Variants in MUC5AC observed in about 807,000 individuals in gnomAD.
MUC5AC encodes mucin-5AC.
In MUC5AC, 158 loss-of-function variants were observed where a neutral mutation model predicts 169.7. The ratio of observed to expected loss-of-function variants is 0.93; its 90% CI spans 0.82 to 1.06. MUC5AC has a LOEUF of 1.06. Among genes scored for constraint, MUC5AC ranks in the 50% least tolerant of loss-of-function variants. The pLI, the probability that MUC5AC is intolerant of heterozygous loss-of-function variation, is 0.00. For synonymous variants in MUC5AC, 1,975 were observed against 1,237.0 expected (o/e 1.60, Z -12.52); for missense variants, 4,359 against 3,089.9 (o/e 1.41, Z -9.74).
chr11:1,173,362 C>T (rs1860597142), intron 16 of MUC5AC, among the ~76,000 whole-genome samples: 1 of 151,566 alleles, frequency 6.6e-6, no homozygotes, highest in African/African-American at 2.4e-5. Context: ...CTCACTCATT[C>T]CTTCATTCAT....
At chr11:1,171,515 A>C (rs1381149206) in intron 15 of MUC5AC, among the ~76,000 whole-genome samples, 2 of 128,354 alleles carry the variant, frequency 1.6e-5, no homozygotes, top group Non-Finnish European at 3.3e-5. Flanking sequence ...CCATTCACCC[A>C]CTCACTCACC....
Position 1,194,595 on chromosome 11 carries a change from G to A in MUC5AC, c.15115G>A (p.Val5039Ile). The change falls in exon 35 of 49, where the codon GTC becomes ATC. Residue 5039 changes from valine to isoleucine, a missense_variant. By Grantham distance (29) the Val-to-Ile change is conservative. Transcript: ENST00000621226. ...GACCATCCCGGAGCTGGGAGTCCAG[G>A]TCATGTTCTCCGGCCTCATCTTCTC... ...YATIPELGVQ[V>I]MFSGLIFSVE... is the part of the protein sequence containing the mutation. 1.3e-6 allele frequency: 1 copy of A among 764,694 alleles called. No individual in the cohort carries two copies. Among genetic ancestry groups the A allele is most frequent in the Non-Finnish European group, 2.4e-6 (1 of 417,686 alleles). The allele number at this position is 764,694 out of a possible 1,614,324, so 47.4% of individuals were successfully genotyped here. A position where few individuals can be genotyped will look rare whatever the true frequency, so the allele number is the denominator to read the frequency against.
chr11:1,200,478 T>C lies in MUC5AC; in HGVS notation c.16741T>C (p.Cys5581Arg), dbSNP rs1861398116. The C allele has an allele frequency of 1.4e-6, 1 of 731,206 alleles. No individual in the cohort carries two copies. Among genetic ancestry groups the C allele is most frequent in the African/African-American group, 1.7e-5 (1 of 58,278 alleles). 45.3% of individuals were successfully genotyped at this position (731,206 alleles called of 1,614,324 possible). A position where few individuals can be genotyped will look rare whatever the true frequency, so the allele number is the denominator to read the frequency against. The change falls in exon 49 of 49, where the codon TGC (cysteine) becomes CGC (arginine). Residue 5581 changes from cysteine (C) to arginine (R), a missense_variant. Cys to Arg is a radical substitution (Grantham distance 180, BLOSUM62 -3). Transcript: ENST00000621226. ...EGNTVEHRCQ[C>R]CQELRTSLRN... ...CAACACGGTGGAGCACAGGTGCCAGTGCTGCCAGGAGCTGCGGACCTCGCT... is the reference window on the plus strand; with the variant it reads ...CAACACGGTGGAGCACAGGTGCCAGCGCTGCCAGGAGCTGCGGACCTCGCT...
chr11:1,167,925 G>A lies in MUC5AC; in HGVS notation c.1435G>A (p.Gly479Arg), dbSNP rs769969756. 15 of 1,550,590 alleles carry A rather than the reference G, an allele frequency of 9.7e-6. No individual in the cohort carries two copies. The highest frequency in any genetic ancestry group is 1.4e-5 in the African/African-American group (1 of 73,060). ...FTVLAELRRC[G>R]LTDSETCLKS... ...TGTACTGGCTGAGCTGCGCAGGTGC[G>A]GGCTGACGGACAGCGAGACCTGCCT... The change falls in exon 12 of 49, where the codon GGG becomes AGG. Residue 479 changes from glycine to arginine, a missense_variant. Coordinates refer to ENST00000621226, the MANE Select transcript of MUC5AC (RefSeq NM_001304359.2).
intron 15 of MUC5AC, among the ~76,000 whole-genome samples, chr11:1,170,665 C>CT (rs1860485140): frequency 7.5e-6 from 1 of 133,866 alleles, no homozygotes; most frequent in Non-Finnish European, 1.6e-5. Flanking sequence ...ACTCACTCAC[C>CT]CACTCACCAA....
At chr11:1,169,091 G>C in intron 15 of MUC5AC, 65 bp downstream of exon 15, 1 of 1,476,074 alleles carries the variant, frequency 6.8e-7, no homozygotes, top group Non-Finnish European at 9.0e-7. Flanking sequence ...CTTCCATTTG[G>C]CACTGCAGGC....
At position 1,165,395 on chromosome 11, in the gene MUC5AC, C is replaced by A. The variant is rs1320025450; in HGVS notation, c.1223C>A (p.Thr408Asn). 1.2e-6 allele frequency: 2 copies of A among 1,612,248 alleles called. No individual in the cohort carries two copies. The highest frequency in any genetic ancestry group is 1.3e-5 in the African/African-American group (1 of 74,940). Reference sequence around the variant, plus strand: ...GGGGCTGCCTATGCCCCAGGGGCCACCTACTCCACAGACTGCACCAACTGG... The same window carrying A: ...GGGGCTGCCTATGCCCCAGGGGCCAACTACTCCACAGACTGCACCAACTGG... ...YNGAAYAPGATYSTDCTNCTC... is the reference protein window; with the variant it reads ...YNGAAYAPGANYSTDCTNCTC... The change falls in exon 10 of 49, where the codon ACC becomes AAC. Residue 408 changes from threonine (T) to asparagine (N), a missense_variant. Thr to Asn is a moderately conservative substitution (Grantham distance 65, BLOSUM62 0). Coordinates refer to ENST00000621226, the MANE Select transcript of MUC5AC (RefSeq NM_001304359.2).
chr11:1,159,729 GGGGTC>G (rs1860077377), intron 1 of MUC5AC, among the ~76,000 whole-genome samples: 51 of 135,862 alleles, frequency 3.8e-4, no homozygotes, highest in East Asian at 6.8e-4. Flanking sequence ...GTGCGGGGCT[GGGGTC>G]TGGTCCCACC....
At chr11:1,179,964 C>T (rs878940476) in intron 26 of MUC5AC, 58 bp from the exon 27 acceptor site, 58,823 of 398,272 alleles carry the variant, frequency 0.15, 5,105 homozygotes, top group African/African-American at 0.27. Context: ...CCCTGGGGTG[C>T]GGGGCCTCTG....
chr11:1,165,487 C>T (rs897405315), intron 10 of MUC5AC, 68 bp downstream of exon 10: 61 of 1,583,562 alleles, frequency 3.9e-5, no homozygotes, highest in Admixed American at 1.5e-4. Flanking sequence ...GGGTTGCAAC[C>T]CAGGCCGGCA....
chr11:1,164,754 A>G (rs28481976), intron 9 of MUC5AC, among the ~76,000 whole-genome samples: 20,472 of 121,522 alleles, frequency 0.17, 1,955 homozygotes, highest in Non-Finnish European at 0.19. Context: ...GCTGGTTGAG[A>G]ATCCTGTCCT....
At chr11:1,180,663 A>G (rs1860796140) in intron 28 of MUC5AC, 147 bp downstream of exon 28, 1 of 397,642 alleles carries the variant, frequency 2.5e-6, no homozygotes, top group Non-Finnish European at 4.4e-6. Flanking sequence ...TGGCCCAGGC[A>G]TCTGTGACAT....
chr11:1,159,202 CGAGGGGGGTCTCCCAGCCT>C (rs1860050606), intron 1 of MUC5AC, among the ~76,000 whole-genome samples: 1 of 152,100 alleles, frequency 6.6e-6, no homozygotes, highest in Non-Finnish European at 1.5e-5. Flanking sequence ...GGTGTGAGGG[CGAGGGGGGTCTCCCAGCCT>C]GGCCTGAGGA....
In MUC5AC at chr11:1,195,080, G is replaced by A. The variant is rs564264326; in HGVS notation, c.15259G>A (p.Glu5087Lys). ...PRGTVVASCS[E>K]MSGLWNVSIP... The stretch of plus-strand genomic sequence containing the variant: ...GGGGACGGTGGTCGCTTCCTGCTCC[G>A]AGATGTCCGGCCTCTGGAACGTGAG... Residue 5087 changes from glutamate to lysine, a missense_variant, in exon 36 of 49, where the codon GAG becomes AAG. Glu to Lys is a moderately conservative substitution (Grantham distance 56, BLOSUM62 1). Coordinates refer to ENST00000621226, the MANE Select transcript of MUC5AC (RefSeq NM_001304359.2). 46 of 759,554 alleles carry A rather than the reference G, an allele frequency of 6.1e-5. No homozygotes were observed. Among genetic ancestry groups the A allele is most frequent in the South Asian group, 5.3e-4 (39 of 73,670 alleles). The allele number at this position is 759,554 out of a possible 1,614,324, so 47.1% of individuals were successfully genotyped here. A position where few individuals can be genotyped will look rare whatever the true frequency, so the allele number is the denominator to read the frequency against.
rs1277744694 is a variant in MUC5AC at position 1,180,426 on chromosome 11, C to T, written c.3686C>T (p.Pro1229Leu). ...AAGATGCAGTGTGTGGCCACCTGCCCAACCCCGCCTCTGCCACCACGGTGC... is the reference window on the plus strand; with the variant it reads ...AAGATGCAGTGTGTGGCCACCTGCCTAACCCCGCCTCTGCCACCACGGTGC... Reference protein sequence around the residue: ...EDKMQCVATCPTPPLPPRCHV... With the variant: ...EDKMQCVATCLTPPLPPRCHV... Residue 1229 changes from proline to leucine, a missense_variant, in exon 28 of 49, where the codon CCA (proline) becomes CTA (leucine). By Grantham distance (98) the Pro-to-Leu change is moderately conservative. Coordinates refer to ENST00000621226, the MANE Select transcript of MUC5AC (RefSeq NM_001304359.2). 2.0e-5 allele frequency: 8 copies of T among 398,698 alleles called. No homozygotes were observed. The highest frequency in any genetic ancestry group is 3.5e-5 in the Non-Finnish European group (8 of 226,200). 24.7% of individuals were successfully genotyped at this position (398,698 alleles called of 1,614,324 possible).
In MUC5AC at chr11:1,197,482, C is replaced by T. The variant is rs35779873; in HGVS notation, c.15876C>T (p.Val5292=). The part of the protein sequence containing the change: ...HGEPVKVGHT[V]GMDCQECTCE... ...CTTCCTTGCAGGTGGGCCACACCGT[C>T]GGCATGGACTGCCAGGAGTGCACGT... Residue 5292 remains valine, a synonymous_variant, in exon 41 of 49, where the codon GTC becomes GTT. Coordinates refer to ENST00000621226, the MANE Select transcript of MUC5AC (RefSeq NM_001304359.2). 111,850 of 714,326 alleles carry T rather than the reference C, an allele frequency of 0.16. 10,346 individuals are homozygous for T. Among genetic ancestry groups the T allele is most frequent in the Non-Finnish European group, 0.19 (75,960 of 393,036 alleles). The allele number at this position is 714,326 out of a possible 1,614,324, so 44.2% of individuals were successfully genotyped here. A position where few individuals can be genotyped will look rare whatever the true frequency, so the allele number is the denominator to read the frequency against.
At position 1,195,865 on chromosome 11, in the gene MUC5AC, C is replaced by CCCAAA; in HGVS notation, c.15459-9_15459-8insAAACC. On this transcript the variant is annotated splice_polypyrimidine_tract_variant and intron_variant, in intron 36 of 48. Coordinates refer to ENST00000621226, the MANE Select transcript of MUC5AC (RefSeq NM_001304359.2). ...AGGCTGCACCCAGCACCCTGCCCAT[C>CCCAAA]CCTCCCACAGGGTCTTTGAGCCGTG... 1.4e-6 allele frequency: 1 copy of CCCAAA among 712,646 alleles called. No homozygotes were observed. Among genetic ancestry groups the CCCAAA allele is most frequent in the Non-Finnish European group, 2.6e-6 (1 of 386,238 alleles). The allele number at this position is 712,646 out of a possible 1,614,324, so 44.1% of individuals were successfully genotyped here. A position where few individuals can be genotyped will look rare whatever the true frequency, so the allele number is the denominator to read the frequency against.
At position 1,191,638 on chromosome 11, in the gene MUC5AC, CCTCTGCCTCTACAGCCAGCACA is replaced by C; in HGVS notation, c.13494_13515del (p.Ser4499ProfsTer179). On this transcript the variant is annotated frameshift_variant, in exon 31 of 49. Transcript: ENST00000621226. LOFTEE classifies it high-confidence loss of function. ...ACCTCTGCTCCTACAACCAGCACAA[CCTCTGCCTCTACAGCCAGCACA>C]ACCTCTGGTCCTGGAACTACTCCCA... 3.4e-5 allele frequency: 18 copies of C among 536,306 alleles called. No individual in the cohort carries two copies. Among genetic ancestry groups the C allele is most frequent in the Non-Finnish European group, 4.2e-5 (12 of 283,226 alleles). The allele number at this position is 536,306 out of a possible 1,614,324, so 33.2% of individuals were successfully genotyped here.
At chr11:1,198,683 G>A (rs541425217) in intron 43 of MUC5AC, among the ~76,000 whole-genome samples, 191 bp from the exon 44 acceptor site, 15 of 152,258 alleles carry the variant, frequency 9.9e-5, no homozygotes, top group African/African-American at 2.6e-4. Flanking sequence ...TCTAGGGATG[G>A]GGACCCTGGG....
Sources: allele counts gnomAD v4.1 joint callset (sites outside exome capture counted in the v4.1 genomes callset), GRCh38; gene constraint gnomAD v4.1.1; transcripts MANE v1.5; gene names NCBI Gene and HGNC (gene_info 2026-07-23, HGNC 2026-07-21).